The following MTOR variants were observed in gnomAD, a reference collection of about 807,000 sequenced individuals.
MTOR encodes the protein mechanistic target of rapamycin kinase, also known as serine/threonine-protein kinase mTOR.
MTOR carries 70 observed loss-of-function variants against 319.8 expected under a neutral mutation model. The ratio of observed to expected loss-of-function variants is 0.22; its 90% CI spans 0.18 to 0.27. The LOEUF is 0.27. Ranked by LOEUF, MTOR falls within the 10% of genes least tolerant of loss-of-function variation. The pLI, the probability that MTOR is intolerant of heterozygous loss-of-function variation, is 1.00. For missense variants in MTOR, 1,890 were observed against 3,274.4 expected, an observed-to-expected ratio of 0.58 and a Z score of 10.32; for synonymous variants, 1,183 against 1,211.4, an observed-to-expected ratio of 0.98 and a Z score of 0.49.
chr1:11,239,106 A>G (rs1647632028), intron 11 of MTOR, among the ~76,000 whole-genome samples: 1 of 152,040 alleles, frequency 6.6e-6, no homozygotes, highest in African/African-American at 2.4e-5. Flanking sequence ...AACAAGGGGG[A>G]TTTCAATCAG....
In MTOR at chr1:11,118,228, A is replaced by ATTTTTTTTTTTTTT. The variant is rs771785403; in HGVS notation, c.6934-1156_6934-1143dup. Among the ~76,000 whole-genome samples the ATTTTTTTTTTTTTT allele has an allele frequency of 5.8e-5, 7 of 120,766 alleles. 1 individual carries two copies. Among genetic ancestry groups the ATTTTTTTTTTTTTT allele is most frequent in the African/African-American group, 2.8e-4 (7 of 25,148 alleles). 79.2% of individuals were successfully genotyped at this position (120,766 alleles called of 152,430 possible). A position where few individuals can be genotyped will look rare whatever the true frequency, so the allele number is the denominator to read the frequency against. On this transcript the variant is annotated intron_variant, in intron 49 of 57. Coordinates refer to ENST00000361445, the MANE Select transcript of MTOR (RefSeq NM_004958.4). ...ACGCCTTAAATTCCAAACTTAGTTA[A>ATTTTTTTTTTTTTT]TTTTTTTTTTTTTTTTTTTTTTTTT...
chr1:11,187,293 C>T (rs533250558), intron 28 of MTOR, among the ~76,000 whole-genome samples: 1 of 110,366 alleles, frequency 9.1e-6, no homozygotes, highest in African/African-American at 3.7e-5. Flanking sequence ...GGACTGGTTT[C>T]GTGGAAGACA....
chr1:11,169,155 C>T (rs1460666156), intron 28 of MTOR, among the ~76,000 whole-genome samples: 4 of 152,184 alleles, frequency 2.6e-5, no homozygotes, highest in Non-Finnish European at 4.4e-5. Flanking sequence ...ATCCAAATTC[C>T]ACCACATTTC....
chr1:11,259,294 T>C lies in MTOR; in HGVS notation c.116A>G (p.Lys39Arg), dbSNP rs746784076. Residue 39 changes from lysine (K) to arginine (R), a missense_variant, in exon 2 of 58, where the codon AAA becomes AGA. Lys to Arg is a conservative substitution (Grantham distance 26). This residue lies in a region of MTOR where 85 missense variants were observed against 105.8 expected (regional missense o/e 0.80). Transcript: ENST00000361445. ...ATAGTGCTGGAGCTCCTTGGCGGCTTTGGCCCTGGTTTCCTCATTCCGGCT... is the reference window on the plus strand; with the variant it reads ...ATAGTGCTGGAGCTCCTTGGCGGCTCTGGCCCTGGTTTCCTCATTCCGGCT... ...LKSRNEETRA[K>R]AAKELQHYVT... The C allele has an allele frequency of 7.4e-6, 12 of 1,613,982 alleles. No homozygotes were observed. The highest frequency in any genetic ancestry group is 1.0e-5 in the Non-Finnish European group (12 of 1,179,938).
intron 30 of MTOR, among the ~76,000 whole-genome samples, chr1:11,151,587 T>A (rs1379119369): frequency 6.6e-6 from 1 of 152,222 alleles, no homozygotes. Flanking sequence ...AGTGCTGGGA[T>A]AGGGGCTGAG....
At chr1:11,158,725 A>T (rs1056425813) in intron 29 of MTOR, among the ~76,000 whole-genome samples, 1 of 146,174 alleles carries the variant, frequency 6.8e-6, no homozygotes, top group Non-Finnish European at 1.5e-5. Flanking sequence ...GGTGGAAAAG[A>T]AAAAAAAAAG....
chr1:11,120,643 C>T (rs1053452011), intron 49 of MTOR, among the ~76,000 whole-genome samples: 2 of 152,148 alleles, frequency 1.3e-5, no homozygotes, highest in African/African-American at 4.8e-5. Context: ...TGAGCCACTG[C>T]ACCCAGCCAA....
chr1:11,243,083 T>C (rs748951851), intron 9 of MTOR, 31 bp downstream of exon 9: 2 of 1,607,982 alleles, frequency 1.2e-6, no homozygotes, highest in Admixed American at 1.7e-5. Flanking sequence ...CCAAATGGAG[T>C]GGAAGGTGAA....
At chr1:11,222,879 A>AG (rs1553122673) in intron 19 of MTOR, among the ~76,000 whole-genome samples, 1 of 152,212 alleles carries the variant, frequency 6.6e-6, no homozygotes, top group Admixed American at 6.5e-5. Context: ...AAAGGCTGAT[A>AG]GGGAACTTTA....
chr1:11,258,018 G>A (rs534403377), intron 3 of MTOR, among the ~76,000 whole-genome samples: 5 of 151,550 alleles, frequency 3.3e-5, no homozygotes, highest in Admixed American at 1.3e-4. Context: ...GCTGAGGCAC[G>A]AGAATCGCTT....
At chr1:11,174,571 C>G (rs557526921) in intron 28 of MTOR, among the ~76,000 whole-genome samples, 2 of 152,164 alleles carry the variant, frequency 1.3e-5, no homozygotes, top group Non-Finnish European at 2.9e-5. Context: ...CAGGAGTTCA[C>G]AGCCACTAAG....
Position 11,243,154 on chromosome 1 carries a change from T to C in MTOR, c.1372A>G (p.Ile458Val), listed in dbSNP as rs754601974. ...FKVYLPRVLD[I>V]IRAALPPKDF... ...TTTGGGGGCAGGGCCGCTCGGATGA[T>C]GTCCAGCACGCGAGGCAAATAGACC... The change falls in exon 9 of 58, where the codon ATC (isoleucine) becomes GTC (valine). Residue 458 changes from isoleucine (I) to valine (V), a missense_variant. Around this residue, in one of 15 missense-constraint regions of MTOR, gnomAD observed 418 missense variants for 543.1 expected, o/e 0.77. Transcript: ENST00000361445. 11 of 1,614,066 alleles carry C rather than the reference T, an allele frequency of 6.8e-6. No individual in the cohort carries two copies. Among genetic ancestry groups the C allele is most frequent in the African/African-American group, 1.3e-5 (1 of 74,926 alleles).
chr1:11,146,833 C>A, intron 31 of MTOR, 42 bp from the exon 32 acceptor site: 1 of 1,463,080 alleles, frequency 6.8e-7, no homozygotes. Flanking sequence ...AGGGGGTTGG[C>A]TGGTTGGGCT....
rs889356194 is a variant in MTOR at position 11,151,170 on chromosome 1, G to A, written c.4470-944C>T. Among the ~76,000 whole-genome samples the A allele has an allele frequency of 2.0e-5, 3 of 152,296 alleles. No homozygotes were observed. The South Asian group carries it at 6.2e-4, about 32-fold the overall frequency. ...GATAAAGATGCTGAAGTCAATCCCT[G>A]CAGAAGGAATCTAGGCTGAGCTCAC... is the stretch of plus-strand genomic sequence containing the variant. On this transcript the variant is annotated intron_variant, in intron 30 of 57. Transcript: ENST00000361445.
chr1:11,110,010 A>T lies in MTOR; in HGVS notation c.7367-281T>A, dbSNP rs58906644. On this transcript the variant is annotated intron_variant, in intron 54 of 57. Transcript: ENST00000361445. Reference sequence around the variant, plus strand: ...TCCATTTGCAAAAAAAAAAAAAAAAATTTTTAAATCTGTAAAGCCATTTTC... The same window carrying T: ...TCCATTTGCAAAAAAAAAAAAAAAATTTTTTAAATCTGTAAAGCCATTTTC... Among the ~76,000 whole-genome samples the T allele has an allele frequency of 0.03, 4,531 of 151,616 alleles. 175 individuals are homozygous for T. Among genetic ancestry groups the T allele is most frequent in the Admixed American group, 0.07 (1,070 of 15,180 alleles).
In MTOR at chr1:11,233,416, T is replaced by C; in HGVS notation, c.2403A>G (p.Thr801=). The change falls in exon 15 of 58, where the codon ACA becomes ACG. Residue 801 remains threonine (T), a synonymous_variant. Transcript: ENST00000361445. The stretch of plus-strand genomic sequence containing the variant: ...CCTTTACCTGTGCCAATTCTCCTAT[T>C]GTTGCCAGGACATTATTGATCACAC... ...NPGVINNVLA[T]IGELAQVSGL... is the part of the protein sequence containing the mutation. 1.9e-6 allele frequency: 3 copies of C among 1,614,128 alleles called. No individual in the cohort carries two copies. Among genetic ancestry groups the C allele is most frequent in the Non-Finnish European group, 1.7e-6 (2 of 1,179,988 alleles).
At chr1:11,207,577 T>C (rs192910469) in intron 25 of MTOR, among the ~76,000 whole-genome samples, 4 of 138,520 alleles carry the variant, frequency 2.9e-5, no homozygotes, top group Non-Finnish European at 6.2e-5. Flanking sequence ...CTCAGCTAAT[T>C]TTTAAAATTT....
chr1:11,139,234 G>C, intron 36 of MTOR, 70 bp downstream of exon 36: 1 of 1,528,566 alleles, frequency 6.5e-7, no homozygotes, highest in East Asian at 2.3e-5. Flanking sequence ...GCCTTAAAGA[G>C]GCAGAGCGAA....
At chr1:11,181,167 GT>G (rs1645133918) in intron 28 of MTOR, among the ~76,000 whole-genome samples, 1 of 152,122 alleles carries the variant, frequency 6.6e-6, no homozygotes, top group South Asian at 2.1e-4. Context: ...GCAGGTTGAA[GT>G]AATCAGACAT....
Sources: allele counts gnomAD v4.1 joint callset (sites outside exome capture counted in the v4.1 genomes callset), GRCh38; gene constraint gnomAD v4.1.1; regional missense constraint gnomAD v4.1.1; transcripts MANE v1.5; gene names NCBI Gene and HGNC (gene_info 2026-07-23, HGNC 2026-07-21).